PRLHR: variants seen among roughly 807,000 people sequenced by gnomAD.
PRLHR encodes prolactin-releasing peptide receptor.
In PRLHR, 10 loss-of-function variants were observed where a neutral mutation model predicts 9.3. The observed-to-expected ratio is 1.08, with a 90% CI of 0.66 to 1.82. PRLHR has a LOEUF of 1.82. Among genes scored for constraint, PRLHR ranks in the 40% most tolerant of loss-of-function variants. The pLI, the probability that PRLHR is intolerant of heterozygous loss-of-function variation, is 0.00. For missense variants in PRLHR, 589 were observed against 512.0 expected (o/e 1.15, Z -1.45); for synonymous variants, 261 against 249.3 (o/e 1.05, Z -0.44).
chr10:118,593,988 G>A lies in PRLHR; in HGVS notation c.*144C>T, dbSNP rs1193591160. The A allele has an allele frequency of 3.1e-6, 4 of 1,294,860 alleles. No homozygotes were observed. Among genetic ancestry groups the A allele is most frequent in the Admixed American group, 6.1e-5 (2 of 32,992 alleles). 80.2% of individuals were successfully genotyped at this position (1,294,860 alleles called of 1,614,324 possible). A position where few individuals can be genotyped will look rare whatever the true frequency, so the allele number is the denominator to read the frequency against. On this transcript the variant is annotated 3_prime_UTR_variant, in exon 2 of 2. Transcript: ENST00000239032. ...ACACACAAGGACAAGACAGACAGCC[G>A]GACAAGAGGGCTGGGCTGGAAATGT...
rs997881551 is a variant in PRLHR at position 118,590,637 on chromosome 10, T to A, written c.*3495A>T. The A allele has an allele frequency of 3.3e-5, 5 of 152,332 alleles. 1 individual carries two copies. The highest frequency in any genetic ancestry group is 3.3e-4 in the Admixed American group (5 of 15,308). 9.4% of individuals were successfully genotyped at this position (152,332 alleles called of 1,614,324 possible). ...CAGCCTGACTGCCTGTATTACTCCT[T>A]GCAGGAAGAGGACTGTGTATACATC... On this transcript the variant is annotated 3_prime_UTR_variant, in exon 2 of 2. Coordinates refer to ENST00000239032, the MANE Select transcript of PRLHR (RefSeq NM_004248.3).
chr10:118,594,404 C>A lies in PRLHR; in HGVS notation c.841G>T (p.Val281Leu). The A allele has an allele frequency of 6.2e-7, 1 of 1,600,242 alleles. No individual in the cohort carries two copies. The highest frequency in any genetic ancestry group is 8.5e-7 in the Non-Finnish European group (1 of 1,179,678). The change falls in exon 2 of 2, where the codon GTG becomes TTG. Residue 281 changes from valine (V) to leucine (L), a missense_variant. Val to Leu is a conservative substitution (Grantham distance 32). Transcript: ENST00000239032. ...ACGGCGAACACCACCACGATCACCA[C>A]CAGCAAGCAGAAGGTGCGCCGGCGC... ...ARRRRTFCLLVVIVVVFAVCW... is the reference protein window; with the variant it reads ...ARRRRTFCLLLVIVVVFAVCW...
rs779657607 is a variant in PRLHR at position 118,594,781 on chromosome 10, A to G, written c.464T>C (p.Ile155Thr). The change falls in exon 2 of 2, where the codon ATC (isoleucine) becomes ACC (threonine). Residue 155 changes from isoleucine to threonine, a missense_variant. Coordinates refer to ENST00000239032, the MANE Select transcript of PRLHR (RefSeq NM_004248.3). ...VYVSVFTLTT[I>T]AVDRYVVLVH... ...CAGCACGACGTAGCGGTCCACTGCGATGGTGGTGAGCGTGAACACCGACAC... is the reference window on the plus strand; with the variant it reads ...CAGCACGACGTAGCGGTCCACTGCGGTGGTGGTGAGCGTGAACACCGACAC... The G allele has an allele frequency of 6.2e-7, 1 of 1,611,736 alleles. No individual in the cohort carries two copies. Among genetic ancestry groups the G allele is most frequent in the South Asian group, 1.1e-5 (1 of 91,066 alleles).
At position 118,594,987 on chromosome 10, in the gene PRLHR, C is replaced by T; in HGVS notation, c.258G>A (p.Ala86=). Residue 86 remains alanine, a synonymous_variant, in exon 2 of 2, where the codon GCG becomes GCA. Coordinates refer to ENST00000239032, the MANE Select transcript of PRLHR (RefSeq NM_004248.3). ...TCACGTTGTGCAGCCGGCGCACCCG[C>T]GCGATCACCAGCACCAGCAGGCAGT... ...VGNCLLVLVI[A]RVRRLHNVTN... The T allele has an allele frequency of 6.2e-7, 1 of 1,613,518 alleles. No individual in the cohort carries two copies. Among genetic ancestry groups the T allele is most frequent in the Non-Finnish European group, 8.5e-7 (1 of 1,179,796 alleles).
At position 118,594,160 on chromosome 10, in the gene PRLHR, T is replaced by TAAAAAA; in HGVS notation, c.1084_1085insTTTTTT (p.Gln362delinsLeuPheTer). 2 of 1,540,138 alleles carry TAAAAAA rather than the reference T, an allele frequency of 1.3e-6. No individual in the cohort carries two copies. The highest frequency in any genetic ancestry group is 1.3e-5 in the South Asian group (1 of 79,796). On this transcript the variant is annotated stop_gained and protein_altering_variant, in exon 2 of 2. Transcript: ENST00000239032. LOFTEE classifies it high-confidence loss of function. ...GATGACCACGCTGACGGTCATATTC[T>TAAAAAA]GGCCATGGGGGGCTATCTTGCGGGG...
rs1213812921 is a variant in PRLHR at position 118,594,839 on chromosome 10, G to A, written c.406C>T (p.Leu136=). ...GTGACCGGCTGCAGGAAGAAGACCAGGTGGCACAGGCCGCCGCCGAACACC... is the reference window on the plus strand; with the variant it reads ...GTGACCGGCTGCAGGAAGAAGACCAAGTGGCACAGGCCGCCGCCGAACACC... The part of the protein sequence containing the change: ...GWVFGGGLCH[L]VFFLQPVTVY... Residue 136 remains leucine (L), a synonymous_variant, in exon 2 of 2, where the codon CTG becomes TTG. Coordinates refer to ENST00000239032, the MANE Select transcript of PRLHR (RefSeq NM_004248.3). 6.2e-7 allele frequency: 1 copy of A among 1,613,098 alleles called. No individual in the cohort carries two copies. Among genetic ancestry groups the A allele is most frequent in the Middle Eastern group, 1.7e-4 (1 of 6,060 alleles).
rs758449801 is a variant in PRLHR at position 118,594,296 on chromosome 10, G to A, written c.949C>T (p.Gln317Ter). 8.7e-6 allele frequency: 14 copies of A among 1,603,748 alleles called. No homozygotes were observed. Among genetic ancestry groups the A allele is most frequent in the Non-Finnish European group, 1.0e-5 (12 of 1,177,296 alleles). The stretch of plus-strand genomic sequence containing the variant: ...ATGGCGAGCCAGTGGCAGAGCAGCT[G>A]CACCAGCCCAAAGGCGTAAGGGTCG... ...AIDPYAFGLV[Q>*]LLCHWLAMSS... Residue 317 changes from glutamine to a stop codon, truncating the protein, a stop_gained, in exon 2 of 2, where the codon CAG (glutamine) becomes TAG (stop). Coordinates refer to ENST00000239032, the MANE Select transcript of PRLHR (RefSeq NM_004248.3). LOFTEE classifies it high-confidence loss of function.
rs774812174 is a variant in PRLHR, at chr10:118,594,719, T to C, written c.526A>G (p.Ser176Gly). The C allele has an allele frequency of 1.2e-6, 2 of 1,602,544 alleles. No individual in the cohort carries two copies. The highest frequency in any genetic ancestry group is 1.1e-5 in the South Asian group (1 of 90,544). Residue 176 changes from serine to glycine, a missense_variant, in exon 2 of 2, where the codon AGC becomes GGC. Coordinates refer to ENST00000239032, the MANE Select transcript of PRLHR (RefSeq NM_004248.3). ...PLRRRISLRL[S>G]AYAVLAIWAL... ...CAGATGGCCAGCACAGCGTAGGCGCTGAGGCGCAGCGAGATGCGCCGCCTC... is the reference window on the plus strand; with the variant it reads ...CAGATGGCCAGCACAGCGTAGGCGCCGAGGCGCAGCGAGATGCGCCGCCTC...
chr10:118,590,787 A>G lies in PRLHR; in HGVS notation c.*3345T>C, dbSNP rs1489197622. The G allele has an allele frequency of 6.6e-6, 1 of 152,236 alleles. No individual in the cohort carries two copies. The highest frequency in any genetic ancestry group is 1.5e-5 in the Non-Finnish European group (1 of 68,038). The allele number at this position is 152,236 out of a possible 1,614,324, so 9.4% of individuals were successfully genotyped here. On this transcript the variant is annotated 3_prime_UTR_variant, in exon 2 of 2. Coordinates refer to ENST00000239032, the MANE Select transcript of PRLHR (RefSeq NM_004248.3). ...TTCGGTTTGATTTATAAACTAGTCC[A>G]CAACACATTTCAGATGTTGTAAGAA...
chr10:118,592,149 C>T lies in PRLHR; in HGVS notation c.*1983G>A, dbSNP rs1844437849. 6.6e-6 allele frequency: 1 copy of T among 152,086 alleles called. No individual in the cohort carries two copies. The highest frequency in any genetic ancestry group is 1.5e-5 in the Non-Finnish European group (1 of 68,024). 9.4% of individuals were successfully genotyped at this position (152,086 alleles called of 1,614,324 possible). A position where few individuals can be genotyped will look rare whatever the true frequency, so the allele number is the denominator to read the frequency against. ...CAATTACAAAAAGAAAAAAAAGTTC[C>T]CCAGGTGATTCTAGGAGCAGCCAGG... On this transcript the variant is annotated 3_prime_UTR_variant, in exon 2 of 2. Coordinates refer to ENST00000239032, the MANE Select transcript of PRLHR (RefSeq NM_004248.3).
In PRLHR at chr10:118,594,029, T is replaced by C; in HGVS notation, c.*103A>G. ...CTGGAAATGTTGCCCTATGTTGGCTTAGCTAGCTCTGGTGCTGAGAATAAG... is the reference window on the plus strand; with the variant it reads ...CTGGAAATGTTGCCCTATGTTGGCTCAGCTAGCTCTGGTGCTGAGAATAAG... On this transcript the variant is annotated 3_prime_UTR_variant, in exon 2 of 2. Coordinates refer to ENST00000239032, the MANE Select transcript of PRLHR (RefSeq NM_004248.3). 1 of 1,451,462 alleles carries C rather than the reference T, an allele frequency of 6.9e-7. No individual in the cohort carries two copies. Among genetic ancestry groups the C allele is most frequent in the Non-Finnish European group, 9.1e-7 (1 of 1,099,448 alleles). 89.9% of individuals were successfully genotyped at this position (1,451,462 alleles called of 1,614,324 possible).
Position 118,595,268 on chromosome 10 carries a change from A to G in PRLHR, c.-6-18T>C, listed in dbSNP as rs1844485206. The G allele has an allele frequency of 6.7e-7, 1 of 1,495,520 alleles. No homozygotes were observed. 92.6% of individuals were successfully genotyped at this position (1,495,520 alleles called of 1,614,324 possible). On this transcript the variant is annotated intron_variant, in intron 1 of 1. Transcript: ENST00000239032. ...ATGGCCACCTGTTCAAAGGTAATCA[A>G]AGTCCGTCACTTCCCTTGCCATACT...
rs1564810624 is a variant in PRLHR at position 118,592,838 on chromosome 10, G to A, written c.*1294C>T. ...CCTACAGATGGTGACTGAGTTACTG[G>A]GAACACAGAGGCTGATCTGACAGCT... On this transcript the variant is annotated 3_prime_UTR_variant, in exon 2 of 2. Transcript: ENST00000239032. 6.6e-6 allele frequency: 1 copy of A among 152,172 alleles called. No individual in the cohort carries two copies. The highest frequency in any genetic ancestry group is 2.4e-5 in the African/African-American group (1 of 41,428). 9.4% of individuals were successfully genotyped at this position (152,172 alleles called of 1,614,324 possible).
Position 118,593,534 on chromosome 10 carries a change from A to T in PRLHR, c.*598T>A, listed in dbSNP as rs1844451160. ...GGGAGCTTGTAGGTGTTTTTGTACT[A>T]TAAACTCAAGTGGTTTTAAAACGAA... On this transcript the variant is annotated 3_prime_UTR_variant, in exon 2 of 2. Transcript: ENST00000239032. The T allele has an allele frequency of 6.6e-6, 1 of 152,220 alleles. No homozygotes were observed. Among genetic ancestry groups the T allele is most frequent in the South Asian group, 2.1e-4 (1 of 4,838 alleles). 9.4% of individuals were successfully genotyped at this position (152,220 alleles called of 1,614,324 possible).
In PRLHR at chr10:118,590,155, A is replaced by C. The variant is rs1222918734; in HGVS notation, c.*3977T>G. On this transcript the variant is annotated 3_prime_UTR_variant, in exon 2 of 2. Coordinates refer to ENST00000239032, the MANE Select transcript of PRLHR (RefSeq NM_004248.3). ...ATCAATCAAGAACCTGCCTTGGGAA[A>C]CAAAGGTGCTCCTGACCTCTCGTCT... 1 of 152,214 alleles carries C rather than the reference A, an allele frequency of 6.6e-6. No individual in the cohort carries two copies. The highest frequency in any genetic ancestry group is 2.4e-5 in the African/African-American group (1 of 41,444). The allele number at this position is 152,214 out of a possible 1,614,324, so 9.4% of individuals were successfully genotyped here. A position where few individuals can be genotyped will look rare whatever the true frequency, so the allele number is the denominator to read the frequency against.
Position 118,594,440 on chromosome 10 carries a change from C to A in PRLHR, c.805G>T (p.Asp269Tyr). The A allele has an allele frequency of 6.2e-7, 1 of 1,601,550 alleles. No individual in the cohort carries two copies. Among genetic ancestry groups the A allele is most frequent in the South Asian group, 1.1e-5 (1 of 90,972 alleles). ...AAGGTGCGCCGGCGCCGAGCGCGGT[C>A]CCAGTCGGCCTGGCTCTGGGTCACG... is the stretch of plus-strand genomic sequence containing the variant. ...GCVTQSQADWDRARRRRTFCL... is the reference protein window; with the variant it reads ...GCVTQSQADWYRARRRRTFCL... The change falls in exon 2 of 2, where the codon GAC becomes TAC. Residue 269 changes from aspartate to tyrosine, a missense_variant. Asp to Tyr is a radical substitution (Grantham distance 160). Coordinates refer to ENST00000239032, the MANE Select transcript of PRLHR (RefSeq NM_004248.3).
Position 118,592,949 on chromosome 10 carries a change from C to T in PRLHR, c.*1183G>A, listed in dbSNP as rs1299993803. The T allele has an allele frequency of 6.6e-6, 1 of 152,204 alleles. No homozygotes were observed. Among genetic ancestry groups the T allele is most frequent in the Admixed American group, 6.5e-5 (1 of 15,286 alleles). The allele number at this position is 152,204 out of a possible 1,614,324, so 9.4% of individuals were successfully genotyped here. A position where few individuals can be genotyped will look rare whatever the true frequency, so the allele number is the denominator to read the frequency against. ...GTGTGGAGACCTTTGTCCCAAGGCA[C>T]TTGTCCTCATTTACAGAACTCACAG... On this transcript the variant is annotated 3_prime_UTR_variant, in exon 2 of 2. Coordinates refer to ENST00000239032, the MANE Select transcript of PRLHR (RefSeq NM_004248.3).
rs1844439504 is a variant in PRLHR, at chr10:118,592,312, G to A, written c.*1820C>T. The stretch of plus-strand genomic sequence containing the variant: ...TCAAAGGAACTCTCTGAGGAAATGA[G>A]AAATGTCTGGCCCTGAGCCTCCCAA... On this transcript the variant is annotated 3_prime_UTR_variant, in exon 2 of 2. Coordinates refer to ENST00000239032, the MANE Select transcript of PRLHR (RefSeq NM_004248.3). 6.6e-6 allele frequency: 1 copy of A among 152,150 alleles called. No individual in the cohort carries two copies. The highest frequency in any genetic ancestry group is 1.9e-4 in the East Asian group (1 of 5,200). 9.4% of individuals were successfully genotyped at this position (152,150 alleles called of 1,614,324 possible). A position where few individuals can be genotyped will look rare whatever the true frequency, so the allele number is the denominator to read the frequency against.
Position 118,593,482 on chromosome 10 carries a change from G to A in PRLHR, c.*650C>T, listed in dbSNP as rs1225398902. ...TAAATAGTAGTTGGGGAGGAAAGGG[G>A]AGAAACAATAGCAAGACCTTTCTAA... is the stretch of plus-strand genomic sequence containing the variant. On this transcript the variant is annotated 3_prime_UTR_variant, in exon 2 of 2. Coordinates refer to ENST00000239032, the MANE Select transcript of PRLHR (RefSeq NM_004248.3). 1 of 152,160 alleles carries A rather than the reference G, an allele frequency of 6.6e-6. No homozygotes were observed. Among genetic ancestry groups the A allele is most frequent in the Admixed American group, 6.5e-5 (1 of 15,270 alleles). The allele number at this position is 152,160 out of a possible 1,614,324, so 9.4% of individuals were successfully genotyped here.
Sources: allele counts gnomAD v4.1 joint callset, GRCh38; gene constraint gnomAD v4.1.1; transcripts MANE v1.5; gene names NCBI Gene and HGNC (gene_info 2026-07-23, HGNC 2026-07-21).